ACCS: variants seen among roughly 807,000 people sequenced by gnomAD.
ACCS encodes the protein 1-aminocyclopropane-1-carboxylate synthase homolog (inactive).
A neutral mutation model predicts 59.8 loss-of-function variants in ACCS; 42 were observed. The ratio of observed to expected loss-of-function variants is 0.70; its 90% CI spans 0.55 to 0.91. ACCS has a LOEUF of 0.91. ACCS is among the 40% of genes least tolerant of loss of function. The pLI is 0.00. For missense variants in ACCS, 602 were observed against 630.4 expected (o/e 0.95, Z 0.48); for synonymous variants, 230 against 240.3 (o/e 0.96, Z 0.40).
rs1953738039 is a variant in ACCS, at chr11:44,083,554, A to G, written c.1385A>G (p.Asp462Gly). Reference sequence around the variant, plus strand: ...GGTTGGTTTCGCTTTGTCTTCTCAGACCAGGTCCACCGGCTTTGCCTGGGT... The same window carrying G: ...GGTTGGTTTCGCTTTGTCTTCTCAGGCCAGGTCCACCGGCTTTGCCTGGGT... ...EPGWFRFVFSDQVHRLCLGMQ... is the reference protein window; with the variant it reads ...EPGWFRFVFSGQVHRLCLGMQ... Residue 462 changes from aspartate (D) to glycine (G), a missense_variant, in exon 14 of 15, where the codon GAC becomes GGC. Asp to Gly is a moderately conservative substitution (Grantham distance 94). Coordinates refer to ENST00000263776, the MANE Select transcript of ACCS (RefSeq NM_032592.4). 6.2e-7 allele frequency: 1 copy of G among 1,614,240 alleles called. No individual in the cohort carries two copies. Among genetic ancestry groups the G allele is most frequent in the South Asian group, 1.1e-5 (1 of 91,086 alleles).
Position 44,077,185 on chromosome 11 carries a change from G to A in ACCS, c.557-94G>A, listed in dbSNP as rs1311772983. 18 of 1,392,032 alleles carry A rather than the reference G, an allele frequency of 1.3e-5. 1 individual carries two copies. The highest frequency in any genetic ancestry group is 2.2e-5 in the Admixed American group (1 of 44,520). The allele number at this position is 1,392,032 out of a possible 1,614,324, so 86.2% of individuals were successfully genotyped here. A position where few individuals can be genotyped will look rare whatever the true frequency, so the allele number is the denominator to read the frequency against. On this transcript the variant is annotated intron_variant, in intron 6 of 14. Transcript: ENST00000263776. ...TATGCCCCAAACGGTCCCCAAAGAA[G>A]TTAAAGGCTTGGAGAGGGACTGGGG... is the stretch of plus-strand genomic sequence containing the variant.
rs759366219 is a variant in ACCS at position 44,077,317 on chromosome 11, A to G, written c.595A>G (p.Thr199Ala). ...CCCCACCCCTTACTATGGCGCTATC[A>G]CACAGCACGTGTGTCTCTATGGCAA... is the stretch of plus-strand genomic sequence containing the variant. ...LIPTPYYGAI[T>A]QHVCLYGNIR... The change falls in exon 7 of 15, where the codon ACA (threonine) becomes GCA (alanine). Residue 199 changes from threonine (T) to alanine (A), a missense_variant. Coordinates refer to ENST00000263776, the MANE Select transcript of ACCS (RefSeq NM_032592.4). 7 of 1,614,022 alleles carry G rather than the reference A, an allele frequency of 4.3e-6. No homozygotes were observed. In the South Asian group the frequency reaches 7.7e-5, roughly 18 times the overall value.
chr11:44,077,939 A>G lies in ACCS; in HGVS notation c.732+17A>G, dbSNP rs769803998. ...CACTCTGAGGTCTGGGGATCAAATC[A>G]AACCTGAGGCTGGGTGTGGGTGGGT... On this transcript the variant is annotated intron_variant, in intron 8 of 14. Transcript: ENST00000263776. The G allele has an allele frequency of 1.2e-6, 2 of 1,612,716 alleles. No homozygotes were observed. The highest frequency in any genetic ancestry group is 3.3e-5 in the Admixed American group (2 of 59,876).
chr11:44,071,330 C>T lies in ACCS; in HGVS notation c.348+15C>T, dbSNP rs2074039. 193,932 of 1,612,628 alleles carry T rather than the reference C, an allele frequency of 0.12. 12,036 individuals carry two copies. The highest frequency in any genetic ancestry group is 0.14 in the Middle Eastern group (836 of 6,058). ...TGTCCTGGCGGGTAAGTCCTAGGGC[C>T]CCTCTAGGGGGCATCACCAGCTCCG... On this transcript the variant is annotated intron_variant, in intron 3 of 14. Transcript: ENST00000263776.
intron 3 of ACCS, 135 bp from the exon 4 acceptor site, chr11:44,073,312 G>A: frequency 1.3e-6 from 1 of 763,936 alleles, no homozygotes; most frequent in Non-Finnish European, 2.3e-6. Context: ...ACATGGGTAT[G>A]AGAAAGCTGT....
rs1953539398 is a variant in ACCS at position 44,079,514 on chromosome 11, C to T, written c.834-17C>T. The T allele has an allele frequency of 6.2e-7, 1 of 1,601,756 alleles. No individual in the cohort carries two copies. Among genetic ancestry groups the T allele is most frequent in the Non-Finnish European group, 8.5e-7 (1 of 1,173,866 alleles). Reference sequence around the variant, plus strand: ...CTACACACTAAGTCTCTCCTCCCCACCCCTGCCTCACTCCAGGCACAGGCT... The same window carrying T: ...CTACACACTAAGTCTCTCCTCCCCATCCCTGCCTCACTCCAGGCACAGGCT... On this transcript the variant is annotated splice_polypyrimidine_tract_variant and intron_variant, in intron 9 of 14. Transcript: ENST00000263776.
At chr11:44,081,374 G>C (rs1953635131) in intron 12 of ACCS, 54 bp downstream of exon 12, 2 of 1,601,848 alleles carry the variant, frequency 1.2e-6, no homozygotes, top group Admixed American at 3.4e-5. Context: ...GAGGCAGCCT[G>C]GGAACAGCCA....
Position 44,074,654 on chromosome 11 carries a change from G to A in ACCS, c.462G>A (p.Lys154=). ...CCAAGTTCCTGTCTTTCTACTGCAA[G>A]AGCCCAGTACCCCTCAGACCAGAGA... ...EVAKFLSFYC[K]SPVPLRPENV... Residue 154 remains lysine, a synonymous_variant, in exon 5 of 15, where the codon AAG becomes AAA. Transcript: ENST00000263776. The A allele has an allele frequency of 6.2e-7, 1 of 1,613,614 alleles. No individual in the cohort carries two copies. The highest frequency in any genetic ancestry group is 8.5e-7 in the Non-Finnish European group (1 of 1,179,832).
chr11:44,081,645 A>T (rs539360557), intron 12 of ACCS, among the ~76,000 whole-genome samples: 2 of 152,332 alleles, frequency 1.3e-5, no homozygotes, highest in South Asian at 4.1e-4. Flanking sequence ...ATTAATGTGA[A>T]TTCATTATGA....
Position 44,067,810 on chromosome 11 carries a change from C to T in ACCS, c.183C>T (p.Ser61=), listed in dbSNP as rs138153442. ...CTGCCATGATCTCCTCTGATACCTCCTACCTGTCCTCTAGAGGAAGAATGA... is the reference window on the plus strand; with the variant it reads ...CTGCCATGATCTCCTCTGATACCTCTTACCTGTCCTCTAGAGGAAGAATGA... ...GDPAMISSDT[S]YLSSRGRMIK... Residue 61 remains serine, a synonymous_variant, in exon 2 of 15, where the codon TCC becomes TCT. Transcript: ENST00000263776. The T allele has an allele frequency of 3.1e-6, 5 of 1,614,020 alleles. No homozygotes were observed. The highest frequency in any genetic ancestry group is 2.7e-5 in the African/African-American group (2 of 75,026).
At chr11:44,071,739 G>A (rs1953059935) in intron 3 of ACCS, 1 of 163,844 alleles carries the variant, frequency 6.1e-6, no homozygotes, top group Non-Finnish European at 1.3e-5. Context: ...AGTTGGAAGA[G>A]AGCTGCATGG....
intron 3 of ACCS, among the ~76,000 whole-genome samples, chr11:44,073,107 A>G (rs910126935): frequency 6.6e-6 from 1 of 152,088 alleles, no homozygotes; most frequent in African/African-American, 2.4e-5. Flanking sequence ...CCCCATGGAG[A>G]TGCTGATCAG....
intron 3 of ACCS, 52 bp from the exon 4 acceptor site, chr11:44,073,395 A>T: frequency 2.7e-6 from 4 of 1,468,606 alleles, no homozygotes; most frequent in Non-Finnish European, 3.8e-6. Context: ...TGTGCTGTGG[A>T]TGCTGGTAGC....
chr11:44,083,341 G>T (rs779731194), intron 13 of ACCS, 30 bp downstream of exon 13: 2 of 1,612,854 alleles, frequency 1.2e-6, no homozygotes, highest in Non-Finnish European at 1.7e-6. Context: ...GGGCTGAGAG[G>T]GAGTTTCAGG....
chr11:44,083,208 G>A lies in ACCS; in HGVS notation c.1151G>A (p.Arg384Gln), dbSNP rs533274352. ...NQVYLPENHA[R>Q]LKAAHTYVSE... ...GTGTACCTGCCGGAAAACCATGCCC[G>A]GCTCAAGGCTGCCCACACCTATGTC... The change falls in exon 13 of 15, where the codon CGG becomes CAG. Residue 384 changes from arginine (R) to glutamine (Q), a missense_variant. Physicochemically the swap from Arg to Gln is conservative, Grantham distance 43 (BLOSUM62 1). Coordinates refer to ENST00000263776, the MANE Select transcript of ACCS (RefSeq NM_032592.4). 16 of 1,614,168 alleles carry A rather than the reference G, an allele frequency of 9.9e-6. No homozygotes were observed. The highest frequency in any genetic ancestry group is 2.2e-5 in the East Asian group (1 of 44,882).
intron 1 of ACCS, among the ~76,000 whole-genome samples, chr11:44,066,965 A>C (rs1314287617): frequency 2.0e-5 from 3 of 152,230 alleles, no homozygotes; most frequent in African/African-American, 7.2e-5. Context: ...GGCCACCCCG[A>C]GGTGGTTACT....
At chr11:44,075,376 G>T in intron 5 of ACCS, 150 bp from the exon 6 acceptor site, 1 of 729,240 alleles carries the variant, frequency 1.4e-6, no homozygotes. Flanking sequence ...GGATGAGCTT[G>T]GCTGTCAGTC....
rs573201139 is a variant in ACCS, at chr11:44,074,735, T to C, written c.489+54T>C. ...TGTTCTCCTGCCTCCCCTCTCCATC[T>C]CTTTCTTTCTTTCTTTCTTTCTTTC... On this transcript the variant is annotated intron_variant, in intron 5 of 14. Coordinates refer to ENST00000263776, the MANE Select transcript of ACCS (RefSeq NM_032592.4). 9.1e-4 allele frequency: 94 copies of C among 103,076 alleles called. 1 individual carries two copies. Among genetic ancestry groups the C allele is most frequent in the African/African-American group, 3.2e-3 (43 of 13,630 alleles). 6.4% of individuals were successfully genotyped at this position (103,076 alleles called of 1,614,324 possible).
chr11:44,078,046 G>T, intron 8 of ACCS, 124 bp downstream of exon 8: 3 of 1,230,596 alleles, frequency 2.4e-6, no homozygotes, highest in Non-Finnish European at 2.2e-6. Context: ...GGACAGACAG[G>T]TAGGGTGGTA....
Sources: gnomAD v4.1 joint callset for allele counts (sites outside exome capture counted in the v4.1 genomes callset) on GRCh38, gnomAD v4.1.1 for gene constraint, MANE v1.5 for transcripts, NCBI Gene and HGNC (gene_info 2026-07-23, HGNC 2026-07-21) for gene names.